The following EPS8 variants were observed in gnomAD, a reference collection of about 807,000 sequenced individuals.
The protein encoded by EPS8 is EGFR pathway substrate 8, signaling adaptor, also known as epidermal growth factor receptor kinase substrate 8.
In EPS8, 42 loss-of-function variants were observed where a neutral mutation model predicts 103.8. The observed-to-expected ratio is 0.40, with a 90% CI of 0.32 to 0.52. The LOEUF (loss-of-function observed/expected upper bound fraction) is 0.52. Ranked by LOEUF, EPS8 falls within the 20% of genes least tolerant of loss-of-function variation. The probability of loss-of-function intolerance (pLI) is 0.40; values close to 1 mark genes in which losing one functional copy is unlikely to be tolerated. For missense variants in EPS8, 969 were observed against 1,005.1 expected (o/e 0.96, Z 0.49); for synonymous variants, 344 against 344.6 (o/e 1.00, Z 0.02).
chr12:15,729,325 A>G (rs1208913037), intron 1 of EPS8, among the ~76,000 whole-genome samples: 1 of 152,144 alleles, frequency 6.6e-6, no homozygotes, highest in African/African-American at 2.4e-5. Flanking sequence ...ATTCTCAGTC[A>G]TTATTATTTC....
rs1458544892 is a variant in EPS8, at chr12:15,769,707, T to C, written c.-22+19454A>G. Among the ~76,000 whole-genome samples, 4 of 152,200 alleles carry C rather than the reference T, an allele frequency of 2.6e-5. No individual in the cohort carries two copies. Among genetic ancestry groups the C allele is most frequent in the African/African-American group, 7.2e-5 (3 of 41,452 alleles). Reference sequence around the variant, plus strand: ...TCCCCAAACAATGAACATCTCTATATAGTAACTCTATTTTCAGTCTTTTGT... The same window carrying C: ...TCCCCAAACAATGAACATCTCTATACAGTAACTCTATTTTCAGTCTTTTGT... On this transcript the variant is annotated intron_variant, in intron 1 of 20. Coordinates refer to ENST00000281172, the MANE Select transcript of EPS8 (RefSeq NM_004447.6). The surrounding 1 kb of genome is among the most constrained non-coding windows in gnomAD (Gnocchi z 4.6).
At chr12:15,782,215 G>C (rs1947267328) in intron 1 of EPS8, 1 of 152,068 alleles carries the variant, frequency 6.6e-6, no homozygotes, top group South Asian at 2.1e-4. Flanking sequence ...CACTCGGGCT[G>C]GGTGTGGTGG....
rs184171277 is a variant in EPS8, at chr12:15,761,064, A to G, written c.-22+28097T>C. On this transcript the variant is annotated intron_variant, in intron 1 of 20. Coordinates refer to ENST00000281172, the MANE Select transcript of EPS8 (RefSeq NM_004447.6). The surrounding 1 kb of genome is among the most constrained non-coding windows in gnomAD (Gnocchi z 4.5). ...GAAAAACCTAAAGACACCACATCAA[A>G]AACTATTAAAACTGATAAATTCATT... 6.6e-6 allele frequency among the ~76,000 whole-genome samples: 1 copy of G among 152,234 alleles called. No homozygotes were observed. Among genetic ancestry groups the G allele is most frequent in the Non-Finnish European group, 1.5e-5 (1 of 67,972 alleles).
chr12:15,633,299 A>T (rs143620118), intron 17 of EPS8, among the ~76,000 whole-genome samples: 2 of 152,248 alleles, frequency 1.3e-5, no homozygotes, highest in Non-Finnish European at 2.9e-5. Context: ...AGCACACACC[A>T]AAGTCATCTG....
At chr12:15,715,312 T>C (rs2417474) in intron 1 of EPS8, among the ~76,000 whole-genome samples, 142,855 of 151,386 alleles carry the variant, frequency 0.94, 67,956 homozygotes, top group East Asian at 1. Context: ...ACATCCCCCT[T>C]GGCCCAACAG....
At chr12:15,786,051 G>C (rs1434601269) in intron 1 of EPS8, among the ~76,000 whole-genome samples, 1 of 151,720 alleles carries the variant, frequency 6.6e-6, no homozygotes, top group Non-Finnish European at 1.5e-5. Context: ...ACCATCAAAG[G>C]GGGAAGCATA....
In EPS8 at chr12:15,784,564, G is replaced by A. The variant is rs767239062; in HGVS notation, c.-22+4597C>T. Among the ~76,000 whole-genome samples the A allele has an allele frequency of 3.9e-5, 6 of 152,056 alleles. No individual in the cohort carries two copies. Among genetic ancestry groups the A allele is most frequent in the East Asian group, 1.9e-4 (1 of 5,202 alleles). The stretch of plus-strand genomic sequence containing the variant: ...GAGAATGTAATAGTACAGCCACTTC[G>A]GAAAACAGTTTGGCAATTTCTTACA... On this transcript the variant is annotated intron_variant, in intron 1 of 20. Transcript: ENST00000281172. The surrounding 1 kb of genome is among the most constrained non-coding windows in gnomAD (Gnocchi z 4.0).
At chr12:15,711,560 AAG>A in intron 1 of EPS8, among the ~76,000 whole-genome samples, 1 of 152,286 alleles carries the variant, frequency 6.6e-6, no homozygotes, top group East Asian at 1.9e-4. Flanking sequence ...ATACCATTCC[AAG>A]AACATATATG....
intron 17 of EPS8, among the ~76,000 whole-genome samples, chr12:15,639,300 C>T (rs1245927588): frequency 6.6e-6 from 1 of 151,892 alleles, no homozygotes; most frequent in African/African-American, 2.4e-5. Flanking sequence ...ATGAACCAGA[C>T]AGAAGCATAT....
chr12:15,637,123 C>T (rs931814558), intron 17 of EPS8, among the ~76,000 whole-genome samples: 5 of 152,226 alleles, frequency 3.3e-5, no homozygotes, highest in Admixed American at 1.3e-4. Flanking sequence ...TGGGTTCAAG[C>T]GATTCTCCTG....
At chr12:15,662,498 T>C (rs889196263) in intron 8 of EPS8, 3 of 993,806 alleles carry the variant, frequency 3.0e-6, no homozygotes, top group Non-Finnish European at 3.6e-6. Context: ...AACAGAGCTA[T>C]AATTTTTATA....
At chr12:15,742,615 A>G (rs954488577) in intron 1 of EPS8, among the ~76,000 whole-genome samples, 2 of 152,232 alleles carry the variant, frequency 1.3e-5, no homozygotes, top group African/African-American at 4.8e-5. Context: ...ACATACACAA[A>G]TCAATAAATG....
chr12:15,637,725 A>G (rs1389219616), intron 17 of EPS8, among the ~76,000 whole-genome samples: 1 of 152,198 alleles, frequency 6.6e-6, no homozygotes, highest in African/African-American at 2.4e-5. Context: ...CAAAGTTTTG[A>G]TATCACTGGA....
chr12:15,685,424 G>A (rs1946078899), intron 1 of EPS8, among the ~76,000 whole-genome samples: 1 of 152,130 alleles, frequency 6.6e-6, no homozygotes, highest in Middle Eastern at 3.2e-3. Context: ...TAAACCCCCA[G>A]GGTTTGTGCT....
rs544011315 is a variant in EPS8, at chr12:15,745,718, C to T, written c.-22+43443G>A. On this transcript the variant is annotated intron_variant, in intron 1 of 20. Coordinates refer to ENST00000281172, the MANE Select transcript of EPS8 (RefSeq NM_004447.6). The surrounding 1 kb of genome is among the most constrained non-coding windows in gnomAD (Gnocchi z 4.6). The stretch of plus-strand genomic sequence containing the variant: ...AAATTAAACAAAGACACTGCCCCAT[C>T]TTTAAAATTTTCATAGACTATCTAG... Among the ~76,000 whole-genome samples, 1 of 152,274 alleles carries T rather than the reference C, an allele frequency of 6.6e-6. No individual in the cohort carries two copies. The highest frequency in any genetic ancestry group is 2.1e-4 in the South Asian group (1 of 4,830).
chr12:15,748,320 A>G lies in EPS8; in HGVS notation c.-22+40841T>C, dbSNP rs1946896308. Among the ~76,000 whole-genome samples, 2 of 152,348 alleles carry G rather than the reference A, an allele frequency of 1.3e-5. No individual in the cohort carries two copies. Among genetic ancestry groups the G allele is most frequent in the South Asian group, 4.1e-4 (2 of 4,834 alleles). ...TTATGAAGTAATATTCTTAAGTCAAATGCTCACCAATTTTAAGTATTCATC... is the reference window on the plus strand; with the variant it reads ...TTATGAAGTAATATTCTTAAGTCAAGTGCTCACCAATTTTAAGTATTCATC... On this transcript the variant is annotated intron_variant, in intron 1 of 20. Coordinates refer to ENST00000281172, the MANE Select transcript of EPS8 (RefSeq NM_004447.6). The surrounding 1 kb of genome is among the most constrained non-coding windows in gnomAD (Gnocchi z 4.8).
intron 15 of EPS8, among the ~76,000 whole-genome samples, chr12:15,642,389 T>C (rs573938616): frequency 2.2e-4 from 33 of 152,252 alleles, no homozygotes; most frequent in East Asian, 3.9e-4. Context: ...AGTATGAGAC[T>C]AGTAACACTT....
rs1329580912 is a variant in EPS8 at position 15,690,023 on chromosome 12, G to T, written c.-21-7051C>A. Among the ~76,000 whole-genome samples the T allele has an allele frequency of 6.6e-6, 1 of 151,940 alleles. No individual in the cohort carries two copies. The highest frequency in any genetic ancestry group is 1.5e-5 in the Non-Finnish European group (1 of 68,044). On this transcript the variant is annotated intron_variant, in intron 1 of 20. Transcript: ENST00000281172. The surrounding 1 kb of genome is among the most constrained non-coding windows in gnomAD (Gnocchi z 4.7). ...CATTACAGGTACAGCAAGAAGAGCT[G>T]TAACCCAAGGATGAGATATAATATT...
At chr12:15,775,862 T>C (rs1323008825) in intron 1 of EPS8, among the ~76,000 whole-genome samples, 2 of 152,134 alleles carry the variant, frequency 1.3e-5, no homozygotes, top group Non-Finnish European at 2.9e-5. Context: ...TTCTATTAGG[T>C]AAAGTTGTAT....
Sources: allele counts gnomAD v4.1 joint callset (sites outside exome capture counted in the v4.1 genomes callset), GRCh38; gene constraint gnomAD v4.1.1; non-coding constraint Gnocchi (gnomAD v3.1); transcripts MANE v1.5; gene names NCBI Gene and HGNC (gene_info 2026-07-23, HGNC 2026-07-21).